The following ST3GAL3 variants were observed in gnomAD, a reference collection of about 807,000 sequenced individuals.
ST3GAL3 encodes the protein CMP-N-acetylneuraminate-beta-1,4-galactoside alpha-2,3-sialyltransferase.
In ST3GAL3, 21 loss-of-function variants were observed where a neutral mutation model predicts 50.1. The observed-to-expected ratio is 0.42, with a 90% CI of 0.30 to 0.60. The LOEUF (loss-of-function observed/expected upper bound fraction) is 0.60. Ranked by LOEUF, ST3GAL3 falls within the 20% of genes least tolerant of loss-of-function variation. The pLI, the probability that ST3GAL3 is intolerant of heterozygous loss-of-function variation, is 0.19. For synonymous variants in ST3GAL3, 183 were observed against 190.0 expected, an observed-to-expected ratio of 0.96 and a Z score of 0.30; for missense variants, 353 against 489.4, an observed-to-expected ratio of 0.72 and a Z score of 2.63.
At position 43,751,502 on chromosome 1, in the gene ST3GAL3, A is replaced by G. The variant is rs138554953; in HGVS notation, c.118+15122A>G. On this transcript the variant is annotated intron_variant, in intron 2 of 11. Transcript: ENST00000347631. ...ATAAATAATGGCATGTCCATTTGAC[A>G]GATACTCTGCAGCCATTGAAATGGC... is the stretch of plus-strand genomic sequence containing the variant. 7.2e-4 allele frequency among the ~76,000 whole-genome samples: 109 copies of G among 152,370 alleles called. No individual in the cohort carries two copies. In the East Asian group the frequency reaches 0.013, roughly 19 times the overall value.
Position 43,920,408 on chromosome 1 carries a change from C to G in ST3GAL3, c.749C>G (p.Ala250Gly). The G allele has an allele frequency of 6.2e-7, 1 of 1,614,144 alleles. No individual in the cohort carries two copies. Among genetic ancestry groups the G allele is most frequent in the Non-Finnish European group, 8.5e-7 (1 of 1,180,028 alleles). Residue 250 changes from alanine (A) to glycine (G), a missense_variant, in exon 10 of 12, where the codon GCA becomes GGA. Ala to Gly is a moderately conservative substitution (Grantham distance 60). Transcript: ENST00000347631. ...CCGCTTTTGCTGTGTCCACAGAGTG[C>G]ATCGGATGGCTTCTGGAAATCTGTG... The part of the protein sequence containing the change: ...KYIVYKERVS[A>G]SDGFWKSVAT...
At chr1:43,902,661 C>T (rs1344943988) in intron 9 of ST3GAL3, among the ~76,000 whole-genome samples, 1 of 152,206 alleles carries the variant, frequency 6.6e-6, no homozygotes, top group Admixed American at 6.5e-5. Flanking sequence ...GTGCTCAGGG[C>T]AGCTCAGAAG....
At chr1:43,768,390 A>G (rs891706671) in intron 2 of ST3GAL3, among the ~76,000 whole-genome samples, 6 of 152,236 alleles carry the variant, frequency 3.9e-5, no homozygotes, top group Non-Finnish European at 8.8e-5. Flanking sequence ...GCAGTCAGAT[A>G]TGATCACACT....
intron 5 of ST3GAL3, among the ~76,000 whole-genome samples, chr1:43,857,902 C>T (rs1340579109): frequency 1.3e-5 from 2 of 152,148 alleles, no homozygotes; most frequent in Non-Finnish European, 2.9e-5. Flanking sequence ...AGGCGTGAGC[C>T]ACCACGCCTG....
Position 43,835,084 on chromosome 1 carries a change from C to T in ST3GAL3, c.210-3135C>T, listed in dbSNP as rs556831805. 5.9e-5 allele frequency among the ~76,000 whole-genome samples: 9 copies of T among 152,236 alleles called. No homozygotes were observed. The East Asian group carries it at 1.5e-3, about 26-fold the overall frequency. ...CTTCACCCCAGGGGCTTGGTAGTCA[C>T]GTTTGCAGGACAATGGGTGCTCTTA... On this transcript the variant is annotated intron_variant, in intron 4 of 11. Coordinates refer to ENST00000347631, the MANE Select transcript of ST3GAL3 (RefSeq NM_006279.5).
chr1:43,853,514 A>AT (rs2067741332), intron 5 of ST3GAL3, among the ~76,000 whole-genome samples: 2 of 152,222 alleles, frequency 1.3e-5, no homozygotes, highest in Non-Finnish European at 2.9e-5. Flanking sequence ...AAGTCCACAT[A>AT]TTTAACAACC....
At chr1:43,800,334 C>T (rs1433351721) in intron 3 of ST3GAL3, among the ~76,000 whole-genome samples, 1 of 152,146 alleles carries the variant, frequency 6.6e-6, no homozygotes, top group Admixed American at 6.5e-5. Context: ...ATTAATTGAT[C>T]CCATGTTGTG....
rs139723655 is a variant in ST3GAL3 at position 43,812,496 on chromosome 1, G to A, written c.167-2395G>A. ...TGTGGGGATACAGTGACTCTTCACCGTGTTGCCCAGGCTAGGGTGCAGTGG... is the reference window on the plus strand; with the variant it reads ...TGTGGGGATACAGTGACTCTTCACCATGTTGCCCAGGCTAGGGTGCAGTGG... On this transcript the variant is annotated intron_variant, in intron 3 of 11. Transcript: ENST00000347631. 4.5e-4 allele frequency among the ~76,000 whole-genome samples: 69 copies of A among 152,282 alleles called. 1 individual carries two copies. The highest frequency in any genetic ancestry group is 1.6e-3 in the African/African-American group (65 of 41,568).
At position 43,802,736 on chromosome 1, in the gene ST3GAL3, T is replaced by C. The variant is rs2059448763; in HGVS notation, c.166+10587T>C. Among the ~76,000 whole-genome samples the C allele has an allele frequency of 2.6e-5, 4 of 152,224 alleles. No homozygotes were observed. In the South Asian group the frequency reaches 8.3e-4, roughly 32 times the overall value. ...AAGTACAATTGACAGACTGTGGTTT[T>C]TTCAGACTTTGGAATTTGGCAGACA... On this transcript the variant is annotated intron_variant, in intron 3 of 11. Transcript: ENST00000347631.
chr1:43,775,604 C>T lies in ST3GAL3; in HGVS notation c.119-16498C>T, dbSNP rs79880255. Reference sequence around the variant, plus strand: ...CAAATTCAGACATTTGCAAACACTTCGTGGGCTAAACCTAATACATCTGTG... The same window carrying T: ...CAAATTCAGACATTTGCAAACACTTTGTGGGCTAAACCTAATACATCTGTG... On this transcript the variant is annotated intron_variant, in intron 2 of 11. Coordinates refer to ENST00000347631, the MANE Select transcript of ST3GAL3 (RefSeq NM_006279.5). Among the ~76,000 whole-genome samples the T allele has an allele frequency of 3.3e-5, 5 of 152,130 alleles. No homozygotes were observed. The East Asian group carries it at 7.7e-4, about 23-fold the overall frequency.
intron 3 of ST3GAL3, among the ~76,000 whole-genome samples, chr1:43,799,429 A>G (rs1451250993): frequency 6.6e-6 from 1 of 152,208 alleles, no homozygotes; most frequent in Non-Finnish European, 1.5e-5. Context: ...TATTGCTCAC[A>G]GTTCTGAAGG....
chr1:43,850,612 C>A, intron 5 of ST3GAL3: 1 of 760,220 alleles, frequency 1.3e-6, no homozygotes. Context: ...ATAGAACAGG[C>A]TTCTAGGACC....
At position 43,899,044 on chromosome 1, in the gene ST3GAL3, T is replaced by G. The variant is rs1010243251; in HGVS notation, c.462-124T>G. On this transcript the variant is annotated intron_variant, in intron 7 of 11. Transcript: ENST00000347631. The surrounding 1 kb of genome is among the most constrained non-coding windows in gnomAD (Gnocchi z 5.4). Reference sequence around the variant, plus strand: ...TCTCAGAAATGCTGCCAGAAGCCCATTGGTCTTCTTCCTCTATCCCAGCCT... The same window carrying G: ...TCTCAGAAATGCTGCCAGAAGCCCAGTGGTCTTCTTCCTCTATCCCAGCCT... The G allele has an allele frequency of 5.0e-5, 68 of 1,348,782 alleles. No individual in the cohort carries two copies. Among genetic ancestry groups the G allele is most frequent in the Non-Finnish European group, 6.8e-5 (66 of 970,834 alleles). 83.6% of individuals were successfully genotyped at this position (1,348,782 alleles called of 1,614,324 possible).
At position 43,809,909 on chromosome 1, in the gene ST3GAL3, A is replaced by G. The variant is rs1573343790; in HGVS notation, c.167-4982A>G. 2.0e-5 allele frequency among the ~76,000 whole-genome samples: 3 copies of G among 149,720 alleles called. No homozygotes were observed. The East Asian group carries it at 6.0e-4, about 30-fold the overall frequency. On this transcript the variant is annotated intron_variant, in intron 3 of 11. Coordinates refer to ENST00000347631, the MANE Select transcript of ST3GAL3 (RefSeq NM_006279.5). ...TCGGGAGGCTGAGGCAGGAGAATCTATTGAACCCGGGAGGTGGAGGTTGCA... is the reference window on the plus strand; with the variant it reads ...TCGGGAGGCTGAGGCAGGAGAATCTGTTGAACCCGGGAGGTGGAGGTTGCA...
At chr1:43,847,533 A>G (rs376250109) in intron 5 of ST3GAL3, among the ~76,000 whole-genome samples, 68 of 152,388 alleles carry the variant, frequency 4.5e-4, no homozygotes, top group African/African-American at 1.6e-3. Flanking sequence ...AGCCAGTTAC[A>G]CAAAAACAAA....
chr1:43,785,800 G>A (rs987343250), intron 2 of ST3GAL3, among the ~76,000 whole-genome samples: 1 of 152,138 alleles, frequency 6.6e-6, no homozygotes, highest in Non-Finnish European at 1.5e-5. Context: ...GCCTCTAGGT[G>A]GATGAGGAGT....
chr1:43,716,688 TC>T (rs1234371680), intron 1 of ST3GAL3: 1 of 152,218 alleles, frequency 6.6e-6, no homozygotes, highest in African/African-American at 2.4e-5. Context: ...TTTTCACACT[TC>T]CTGAGGAGTC....
chr1:43,809,890 G>T (rs1404600601), intron 3 of ST3GAL3, among the ~76,000 whole-genome samples: 1 of 151,726 alleles, frequency 6.6e-6, no homozygotes, highest in African/African-American at 2.4e-5. Flanking sequence ...CTACTCGGGA[G>T]GCTGAGGCAG....
At chr1:43,862,689 C>G (rs570721418) in intron 5 of ST3GAL3, among the ~76,000 whole-genome samples, 1 of 148,964 alleles carries the variant, frequency 6.7e-6, no homozygotes, top group East Asian at 2.0e-4. Context: ...GGGAGGATCA[C>G]TTGAGCCCAG....
Sources: allele counts gnomAD v4.1 joint callset (sites outside exome capture counted in the v4.1 genomes callset), GRCh38; gene constraint gnomAD v4.1.1; non-coding constraint Gnocchi (gnomAD v3.1); transcripts MANE v1.5; gene names NCBI Gene and HGNC (gene_info 2026-07-23, HGNC 2026-07-21).